ACSM3: variants seen among roughly 807,000 people sequenced by gnomAD.
ACSM3 encodes acyl-CoA synthetase medium chain family member 3.
Under a neutral mutation model 74.1 loss-of-function variants are expected in ACSM3, and 61 were observed. That is an observed-to-expected ratio of 0.82 (90% CI 0.67 to 1.02). ACSM3 has a LOEUF of 1.02. Ranked by LOEUF, ACSM3 falls within the 50% of genes least tolerant of loss-of-function variation. ACSM3 has a pLI of 0.00. For missense variants in ACSM3, 660 were observed against 697.0 expected, an observed-to-expected ratio of 0.95 and a Z score of 0.60; for synonymous variants, 213 against 241.5, an observed-to-expected ratio of 0.88 and a Z score of 1.09.
rs145105006 is a variant in ACSM3 at position 20,773,114 on chromosome 16, G to A, written c.220-2725G>A. On this transcript the variant is annotated intron_variant, in intron 2 of 13. Transcript: ENST00000289416. ...TTTTCTATCTTGGTAGGTTATGTGT[G>A]TCCAGGAATTTATCCATTTCCTCTA... 8.5e-5 allele frequency among the ~76,000 whole-genome samples: 13 copies of A among 152,224 alleles called. No homozygotes were observed. The East Asian group carries it at 2.3e-3, about 27-fold the overall frequency.
chr16:20,796,434 AG>A lies in ACSM3; in HGVS notation c.1621del (p.Glu541ArgfsTer19). On this transcript the variant is annotated frameshift_variant, in exon 13 of 14. Transcript: ENST00000289416. LOFTEE classifies it high-confidence loss of function. ...YKSHDQEQLI[K>X]EIQEHVKKTT... ...TCACATGATCAAGAACAACTAATAAAGGAGATTCAGGAGCATGTTAAAAAAA... is the reference window on the plus strand; with the variant it reads ...TCACATGATCAAGAACAACTAATAAAGAGATTCAGGAGCATGTTAAAAAAA... 1 of 1,613,946 alleles carries A rather than the reference AG, an allele frequency of 6.2e-7. No individual in the cohort carries two copies. The highest frequency in any genetic ancestry group is 8.5e-7 in the Non-Finnish European group (1 of 1,179,958).
At position 20,725,131 on chromosome 16, in the gene ACSM3, A is replaced by G. The variant is rs1212978726; in HGVS notation, c.-189-24779A>G. ...GCATCACGCTACCTGACTTCAAACT[A>G]TGCTACAAGGCTACAGTAACCAAAA... On this transcript the variant is annotated intron_variant, in intron 1 of 3. Transcript: ENST00000561584. Among the ~76,000 whole-genome samples, 3 of 152,340 alleles carry G rather than the reference A, an allele frequency of 2.0e-5. No homozygotes were observed. The East Asian group carries it at 5.8e-4, about 29-fold the overall frequency.
At chr16:20,784,196 G>A (rs1336691955) in intron 7 of ACSM3, among the ~76,000 whole-genome samples, 2 of 152,118 alleles carry the variant, frequency 1.3e-5, no homozygotes, top group African/African-American at 4.8e-5. Context: ...TTCTGGCACT[G>A]TGTTGTGCAA....
intron 1 of ACSM3, chr16:20,680,610 T>A (rs1008714826): frequency 1.9e-4 from 29 of 152,320 alleles, no homozygotes; most frequent in Middle Eastern, 3.4e-3. Flanking sequence ...GAAAGTACCG[T>A]ATCGCCCGTT....
chr16:20,740,429 T>C (rs1024317091), intron 1 of ACSM3, among the ~76,000 whole-genome samples: 1 of 152,080 alleles, frequency 6.6e-6, no homozygotes, highest in Non-Finnish European at 1.5e-5. Context: ...AGTACAGGAG[T>C]AGACAGGATA....
At chr16:20,754,692 A>G (rs535781938) in intron 2 of ACSM3, among the ~76,000 whole-genome samples, 5 of 152,318 alleles carry the variant, frequency 3.3e-5, no homozygotes, top group South Asian at 4.1e-4. Flanking sequence ...GCCTTAGTCT[A>G]TCTTGTAACA....
intron 1 of ACSM3, among the ~76,000 whole-genome samples, chr16:20,723,071 C>T (rs2079791454): frequency 6.6e-6 from 1 of 151,748 alleles, no homozygotes; most frequent in Non-Finnish European, 1.5e-5. Flanking sequence ...GTGTGATGTT[C>T]CCCTTCCTGT....
At chr16:20,684,748 GAGAA>G (rs1380050148) in intron 1 of ACSM3, among the ~76,000 whole-genome samples, 1 of 151,778 alleles carries the variant, frequency 6.6e-6, no homozygotes, top group Admixed American at 6.5e-5. Flanking sequence ...AAGAAAGGGA[GAGAA>G]AGAGAGAGGG....
intron 4 of ACSM3, 67 bp from the exon 5 acceptor site, chr16:20,780,647 A>C (rs1281302545): frequency 1.2e-6 from 2 of 1,613,522 alleles, no homozygotes; most frequent in African/African-American, 2.7e-5. Flanking sequence ...GCTTCTCAAA[A>C]TTTTTCAGTG....
chr16:20,682,225 A>C, intron 1 of ACSM3: 13 of 1,601,694 alleles, frequency 8.1e-6, no homozygotes, highest in African/African-American at 1.3e-5. Flanking sequence ...AACTGTACTC[A>C]GAGATTATAT....
chr16:20,778,758 T>G (rs1444448575), intron 4 of ACSM3, among the ~76,000 whole-genome samples: 1 of 125,882 alleles, frequency 7.9e-6, no homozygotes, highest in Non-Finnish European at 1.9e-5. Flanking sequence ...CTATAGATAC[T>G]TTTTTTTTTT....
intron 1 of ACSM3, among the ~76,000 whole-genome samples, chr16:20,742,813 A>ATTTT (rs372677216): frequency 1.5e-5 from 1 of 66,812 alleles, no homozygotes; most frequent in African/African-American, 4.3e-5. Context: ...ATATATATAT[A>ATTTT]TTTTTTTTTT....
intron 1 of ACSM3, among the ~76,000 whole-genome samples, chr16:20,678,010 T>TAAAATAAATAAA (rs1441388756): frequency 3.4e-5 from 2 of 59,570 alleles, no homozygotes; most frequent in African/African-American, 3.1e-4. Flanking sequence ...TACTAAAGGC[T>TAAAATAAATAAA]AAAATAAATA....
chr16:20,747,176 C>A (rs1272343861), intron 1 of ACSM3, among the ~76,000 whole-genome samples: 1 of 152,122 alleles, frequency 6.6e-6, no homozygotes. Context: ...AGAGCCAGGG[C>A]CCTCAAGGGA....
upstream of ACSM3, among the ~76,000 whole-genome samples, chr16:20,763,376 T>G (rs1237850748): frequency 6.6e-6 from 1 of 152,206 alleles, no homozygotes; most frequent in Non-Finnish European, 1.5e-5. Context: ...AGGAAAGAGT[T>G]CCAGTCAGTG....
intron 1 of ACSM3, among the ~76,000 whole-genome samples, chr16:20,730,303 T>C (rs1293975667): frequency 6.6e-6 from 1 of 152,192 alleles, no homozygotes; most frequent in Non-Finnish European, 1.5e-5. Flanking sequence ...TCAGAATACA[T>C]TTTCTCACAG....
chr16:20,706,053 A>G (rs2079726480), intron 1 of ACSM3, among the ~76,000 whole-genome samples: 1 of 151,780 alleles, frequency 6.6e-6, no homozygotes, highest in Admixed American at 6.6e-5. Context: ...ATATTTTTAT[A>G]AAAAGTGAAG....
rs758277289 is a variant in ACSM3, at chr16:20,781,723, C to G, written c.955C>G (p.Pro319Ala). The G allele has an allele frequency of 1.9e-6, 3 of 1,612,816 alleles. No homozygotes were observed. The highest frequency in any genetic ancestry group is 2.5e-6 in the Non-Finnish European group (3 of 1,178,902). ...TSILQTLSKY[P>A]ITVFCSAPTV... ...TAAATTGCAGACACTCTCCAAGTACCCCATCACAGTCTTCTGTTCAGCACC... is the reference window on the plus strand; with the variant it reads ...TAAATTGCAGACACTCTCCAAGTACGCCATCACAGTCTTCTGTTCAGCACC... Residue 319 changes from proline (P) to alanine (A), a missense_variant, in exon 7 of 14, where the codon CCC (proline) becomes GCC (alanine). Physicochemically the swap from Pro to Ala is conservative, Grantham distance 27 (BLOSUM62 -1). Coordinates refer to ENST00000289416, the MANE Select transcript of ACSM3 (RefSeq NM_005622.4).
At chr16:20,734,211 G>A (rs1427541788) in intron 1 of ACSM3, 1 of 152,746 alleles carries the variant, frequency 6.5e-6, no homozygotes, top group South Asian at 2.1e-4. Flanking sequence ...CCACAGAGTT[G>A]TATGCTCTGT....
Sources: gnomAD v4.1 joint callset for allele counts (sites outside exome capture counted in the v4.1 genomes callset) on GRCh38, gnomAD v4.1.1 for gene constraint, MANE v1.5 for transcripts, NCBI Gene and HGNC (gene_info 2026-07-23, HGNC 2026-07-21) for gene names.